SFMBT1: variants seen among roughly 807,000 people sequenced by gnomAD.
The protein encoded by SFMBT1 is Scm like with four mbt domains 1.
A neutral mutation model predicts 108.7 loss-of-function variants in SFMBT1; 32 were observed. That is an observed-to-expected ratio of 0.29 (90% CI 0.22 to 0.40). The LOEUF is 0.40. Among genes scored for constraint, SFMBT1 ranks in the 10% least tolerant of loss-of-function variants. The pLI is 1.00. For synonymous variants in SFMBT1, 348 were observed against 369.5 expected (o/e 0.94, Z 0.67); for missense variants, 816 against 1,059.6 (o/e 0.77, Z 3.19).
At chr3:52,941,856 G>A (rs1037821236) in intron 4 of SFMBT1, among the ~76,000 whole-genome samples, 4 of 152,078 alleles carry the variant, frequency 2.6e-5, no homozygotes, top group Non-Finnish European at 2.9e-5. Context: ...CTAGGATCAC[G>A]CCACTGCACT....
At chr3:52,943,291 G>A in intron 4 of SFMBT1, 62 bp downstream of exon 4, 1 of 1,605,874 alleles carries the variant, frequency 6.2e-7, no homozygotes, top group Admixed American at 1.7e-5. Flanking sequence ...TCAAGACTGT[G>A]GACAATCCAA....
chr3:52,966,526 G>A (rs956288213), intron 2 of SFMBT1, among the ~76,000 whole-genome samples: 9 of 148,020 alleles, frequency 6.1e-5, no homozygotes, highest in African/African-American at 2.0e-4. Context: ...TTGGGAGGCT[G>A]AGGCAGGAGA....
At position 52,969,219 on chromosome 3, in the gene SFMBT1, GCA is replaced by G. The variant is rs1704260110; in HGVS notation, c.-93_-92del. 8.8e-6 allele frequency: 14 copies of G among 1,589,924 alleles called. No individual in the cohort carries two copies. Among genetic ancestry groups the G allele is most frequent in the Non-Finnish European group, 1.1e-5 (13 of 1,172,358 alleles). ...TCTGAAGATTACTTGCAGGTTTCAA[GCA>G]TCTGTTCAATGGGTATCCACGGGTC... On this transcript the variant is annotated 5_prime_UTR_variant, in exon 2 of 21. The change abolishes an upstream ATG in the 5' untranslated region. Coordinates refer to ENST00000394752, the MANE Select transcript of SFMBT1 (RefSeq NM_016329.4).
chr3:52,915,835 A>G (rs73839533), intron 14 of SFMBT1, among the ~76,000 whole-genome samples: 160 of 152,372 alleles, frequency 1.1e-3, no homozygotes, highest in African/African-American at 3.4e-3. Context: ...TAGCTTAAGA[A>G]AGAACACTGC....
chr3:53,025,364 T>C (rs894208940), intron 1 of SFMBT1, among the ~76,000 whole-genome samples: 1 of 152,130 alleles, frequency 6.6e-6, no homozygotes, highest in Admixed American at 6.5e-5. Flanking sequence ...TCCTAACACT[T>C]TGGGAGGCTG....
chr3:52,973,699 C>T (rs1704422901), intron 1 of SFMBT1, among the ~76,000 whole-genome samples: 3 of 151,976 alleles, frequency 2.0e-5, no homozygotes, highest in Admixed American at 1.3e-4. Flanking sequence ...GGCACAATCT[C>T]GGCTCACTGC....
chr3:53,008,710 A>G (rs1179998671), intron 1 of SFMBT1, among the ~76,000 whole-genome samples: 1 of 151,202 alleles, frequency 6.6e-6, no homozygotes, highest in Non-Finnish European at 1.5e-5. Flanking sequence ...AGCTCACTGC[A>G]AGCTCCGCCT....
intron 1 of SFMBT1, among the ~76,000 whole-genome samples, chr3:53,026,149 A>G (rs72965359): frequency 0.031 from 4,645 of 152,284 alleles, 277 homozygotes; most frequent in African/African-American, 0.11. Context: ...ACATCACTAC[A>G]TGAAAACACA....
At chr3:52,940,818 A>G (rs1703156851) in intron 4 of SFMBT1, among the ~76,000 whole-genome samples, 2 of 152,170 alleles carry the variant, frequency 1.3e-5, no homozygotes, top group South Asian at 4.1e-4. Flanking sequence ...GGCATATACG[A>G]ACCTAATCAA....
At chr3:53,039,969 AT>A (rs777603463) in intron 1 of SFMBT1, among the ~76,000 whole-genome samples, 2 of 152,254 alleles carry the variant, frequency 1.3e-5, no homozygotes, top group Non-Finnish European at 2.9e-5. Context: ...TGTGATCACC[AT>A]CTAACCACTC....
At chr3:52,977,846 T>C (rs1056746556) in intron 1 of SFMBT1, among the ~76,000 whole-genome samples, 1 of 152,212 alleles carries the variant, frequency 6.6e-6, no homozygotes, top group Non-Finnish European at 1.5e-5. Flanking sequence ...GAGTGTTTCT[T>C]TTAACAGTAT....
intron 2 of SFMBT1, among the ~76,000 whole-genome samples, chr3:52,966,357 G>A (rs1258416767): frequency 6.7e-6 from 1 of 150,276 alleles, no homozygotes; most frequent in Non-Finnish European, 1.5e-5. Flanking sequence ...CCGGCGCGGT[G>A]GCTCACGCCT....
At chr3:52,919,688 CCTCTCTTG>C (rs910413398) in intron 12 of SFMBT1, among the ~76,000 whole-genome samples, 17 of 152,220 alleles carry the variant, frequency 1.1e-4, no homozygotes, top group Non-Finnish European at 2.2e-4. Context: ...TCTTCCTCAA[CCTCTCTTG>C]CTCTCTTGCT....
chr3:52,925,793 G>T (rs1033637231), intron 10 of SFMBT1, among the ~76,000 whole-genome samples: 8 of 152,174 alleles, frequency 5.3e-5, no homozygotes, highest in Non-Finnish European at 1.2e-4. Flanking sequence ...TCAAATTCAC[G>T]ATTTCAGCTA....
intron 11 of SFMBT1, among the ~76,000 whole-genome samples, 168 bp from the exon 12 acceptor site, chr3:52,920,818 G>GA (rs904545403): frequency 1.3e-5 from 2 of 151,776 alleles, no homozygotes; most frequent in Admixed American, 6.6e-5. Flanking sequence ...TAAACATTAT[G>GA]AAAAAAAACT....
At chr3:53,024,608 G>A (rs1699423685) in intron 1 of SFMBT1, among the ~76,000 whole-genome samples, 2 of 152,192 alleles carry the variant, frequency 1.3e-5, no homozygotes, top group Admixed American at 1.3e-4. Context: ...GAAGTAACAG[G>A]GAAGACAGCT....
At chr3:53,039,165 T>C (rs1424638932) in intron 1 of SFMBT1, among the ~76,000 whole-genome samples, 2 of 152,232 alleles carry the variant, frequency 1.3e-5, no homozygotes, top group East Asian at 3.8e-4. Context: ...CCTGGTTCTC[T>C]AGGCTCTGCT....
chr3:52,925,128 G>A (rs1702622601), intron 10 of SFMBT1, among the ~76,000 whole-genome samples: 1 of 152,098 alleles, frequency 6.6e-6, no homozygotes, highest in African/African-American at 2.4e-5. Context: ...GGCCGAGGCA[G>A]GAGAATCTCT....
chr3:52,946,837 T>G (rs1057305066), intron 3 of SFMBT1, among the ~76,000 whole-genome samples: 4 of 150,710 alleles, frequency 2.7e-5, no homozygotes, highest in African/African-American at 4.9e-5. Context: ...AGTGGAGTGA[T>G]CTCGGCTCAC....
Sources: gnomAD v4.1 joint callset for allele counts (sites outside exome capture counted in the v4.1 genomes callset) on GRCh38, gnomAD v4.1.1 for gene constraint, MANE v1.5 for transcripts, NCBI Gene and HGNC (gene_info 2026-07-23, HGNC 2026-07-21) for gene names.